UBALD2: variants seen among roughly 807,000 people sequenced by gnomAD.
UBALD2 encodes UBA like domain containing 2, also known as UBA-like domain-containing protein 2.
Under a neutral mutation model 15.9 loss-of-function variants are expected in UBALD2, and 8 were observed. That is an observed-to-expected ratio of 0.50 (90% confidence interval 0.29 to 0.91). UBALD2 has a LOEUF of 0.91. UBALD2 is among the 40% of genes least tolerant of loss of function. The pLI, the probability that UBALD2 is intolerant of heterozygous loss-of-function variation, is 0.07. For synonymous variants in UBALD2, 113 were observed against 97.7 expected, an observed-to-expected ratio of 1.16 and a Z score of -0.93; for missense variants, 178 against 234.8, an observed-to-expected ratio of 0.76 and a Z score of 1.58.
intron 2 of UBALD2, among the ~76,000 whole-genome samples, chr17:76,268,614 G>T (rs1018801041): frequency 6.6e-6 from 1 of 152,074 alleles, no homozygotes; most frequent in Admixed American, 6.5e-5. Context: ...CTCCCTTGGT[G>T]CCCTGGGTGC....
intron 2 of UBALD2, 77 bp downstream of exon 2, chr17:76,266,046 C>A: frequency 2.0e-6 from 3 of 1,490,392 alleles, no homozygotes; most frequent in South Asian, 2.4e-5. Context: ...CGGGGAGCGC[C>A]GCGCCGCGAA....
intron 2 of UBALD2, among the ~76,000 whole-genome samples, chr17:76,267,438 C>T (rs2070552916): frequency 6.6e-6 from 1 of 151,328 alleles, no homozygotes; most frequent in Non-Finnish European, 1.5e-5. Context: ...GTCTGAGTGC[C>T]TTAGCAGCAC....
chr17:76,267,888 A>G (rs1598467811), intron 2 of UBALD2, among the ~76,000 whole-genome samples: 1 of 148,048 alleles, frequency 6.8e-6, no homozygotes. Flanking sequence ...CGAACTCCCA[A>G]CCTCAGGTGG....
chr17:76,270,555 G>C lies in UBALD2; in HGVS notation c.*50G>C. On this transcript the variant is annotated 3_prime_UTR_variant, in exon 3 of 3. Coordinates refer to ENST00000327490, the MANE Select transcript of UBALD2 (RefSeq NM_182565.4). Reference sequence around the variant, plus strand: ...CTGGAGCTGGGGGCAGCCCAGGGTTGTGGGGACACAGGAGGGCCAGGGAGG... The same window carrying C: ...CTGGAGCTGGGGGCAGCCCAGGGTTCTGGGGACACAGGAGGGCCAGGGAGG... The C allele has an allele frequency of 7.1e-7, 1 of 1,398,798 alleles. No individual in the cohort carries two copies. Among genetic ancestry groups the C allele is most frequent in the South Asian group, 1.6e-5 (1 of 63,452 alleles). The allele number at this position is 1,398,798 out of a possible 1,614,324, so 86.6% of individuals were successfully genotyped here.
intron 1 of UBALD2, 120 bp from the exon 2 acceptor site, chr17:76,265,787 G>A: frequency 7.0e-7 from 1 of 1,433,772 alleles, no homozygotes. Flanking sequence ...TGCACGTGGG[G>A]CAGCCGAGGG....
chr17:76,265,353 A>T lies in UBALD2; in HGVS notation c.-153A>T. 3.8e-6 allele frequency: 3 copies of T among 796,754 alleles called. No individual in the cohort carries two copies. The highest frequency in any genetic ancestry group is 4.6e-6 in the Non-Finnish European group (3 of 657,858). 49.4% of individuals were successfully genotyped at this position (796,754 alleles called of 1,614,324 possible). A position where few individuals can be genotyped will look rare whatever the true frequency, so the allele number is the denominator to read the frequency against. On this transcript the variant is annotated 5_prime_UTR_variant, in exon 1 of 3. Transcript: ENST00000327490. ...CGGGCCGCGGGAGTCGAACCACAAC[A>T]TTCGCCGGGCGGGCGGCGGCGGAGC...
At position 76,270,514 on chromosome 17, in the gene UBALD2, G is replaced by A. The variant is rs1044882; in HGVS notation, c.*9G>A. 5 of 1,440,052 alleles carry A rather than the reference G, an allele frequency of 3.5e-6. No individual in the cohort carries two copies. Among genetic ancestry groups the A allele is most frequent in the African/African-American group, 1.4e-5 (1 of 69,070 alleles). The allele number at this position is 1,440,052 out of a possible 1,614,324, so 89.2% of individuals were successfully genotyped here. A position where few individuals can be genotyped will look rare whatever the true frequency, so the allele number is the denominator to read the frequency against. Reference sequence around the variant, plus strand: ...TGGACGGCCAGAGATGAGACTGGACGCCGCCGGGCGCTGGGCTGGAGCTGG... The same window carrying A: ...TGGACGGCCAGAGATGAGACTGGACACCGCCGGGCGCTGGGCTGGAGCTGG... On this transcript the variant is annotated 3_prime_UTR_variant, in exon 3 of 3. Transcript: ENST00000327490.
intron 2 of UBALD2, among the ~76,000 whole-genome samples, chr17:76,267,490 C>CTTTTTTTT (rs55819046): frequency 8.7e-6 from 1 of 115,158 alleles, no homozygotes; most frequent in Non-Finnish European, 1.7e-5. Flanking sequence ...TTCATGGTTT[C>CTTTTTTTT]TTTTTTTTTT....
chr17:76,269,366 A>C lies in UBALD2; in HGVS notation c.184-828A>C, dbSNP rs1434008004. On this transcript the variant is annotated intron_variant, in intron 2 of 2. Transcript: ENST00000327490. The surrounding 1 kb of genome is among the most constrained non-coding windows in gnomAD (Gnocchi z 4.6). ...ACAGACTGAGAAACTGCCAGCCTGC[A>C]GGCAAGGGCAGGCCAGCTGTGTTTG... Among the ~76,000 whole-genome samples, 6 of 152,188 alleles carry C rather than the reference A, an allele frequency of 3.9e-5. No individual in the cohort carries two copies. Among genetic ancestry groups the C allele is most frequent in the Non-Finnish European group, 8.8e-5 (6 of 68,034 alleles).
At chr17:76,267,518 T>C (rs1300432856) in intron 2 of UBALD2, among the ~76,000 whole-genome samples, 1 of 146,670 alleles carries the variant, frequency 6.8e-6, no homozygotes, top group African/African-American at 2.6e-5. Flanking sequence ...TTTTCTAATT[T>C]TATTTTTGAG....
chr17:76,265,382 C>G lies in UBALD2; in HGVS notation c.-124C>G. The G allele has an allele frequency of 1.1e-6, 1 of 906,438 alleles. No individual in the cohort carries two copies. The highest frequency in any genetic ancestry group is 1.3e-6 in the Non-Finnish European group (1 of 760,104). The allele number at this position is 906,438 out of a possible 1,614,324, so 56.1% of individuals were successfully genotyped here. On this transcript the variant is annotated 5_prime_UTR_variant, in exon 1 of 3. Coordinates refer to ENST00000327490, the MANE Select transcript of UBALD2 (RefSeq NM_182565.4). Reference sequence around the variant, plus strand: ...GCCGGGCGGGCGGCGGCGGAGCGGGCGGCGGAGCGGCGGCAGCAGCGGTGA... The same window carrying G: ...GCCGGGCGGGCGGCGGCGGAGCGGGGGGCGGAGCGGCGGCAGCAGCGGTGA...
chr17:76,268,511 G>A (rs1210287908), intron 2 of UBALD2, among the ~76,000 whole-genome samples: 3 of 151,814 alleles, frequency 2.0e-5, no homozygotes, highest in Non-Finnish European at 4.4e-5. Flanking sequence ...GGGAGTAGTG[G>A]AGGGAGGAGG....
chr17:76,266,874 A>T (rs2070549570), intron 2 of UBALD2, among the ~76,000 whole-genome samples: 1 of 152,100 alleles, frequency 6.6e-6, no homozygotes. Context: ...CTCTAGGTGC[A>T]TTTTTGGGAT....
intron 2 of UBALD2, among the ~76,000 whole-genome samples, chr17:76,267,514 A>G (rs1314116743): frequency 3.1e-5 from 2 of 65,350 alleles, no homozygotes; most frequent in African/African-American, 7.2e-5. Flanking sequence ...TTTTTTTTCT[A>G]ATTTTATTTT....
chr17:76,270,546 C>A lies in UBALD2; in HGVS notation c.*41C>A. The stretch of plus-strand genomic sequence containing the variant: ...GGCGCTGGGCTGGAGCTGGGGGCAG[C>A]CCAGGGTTGTGGGGACACAGGAGGG... On this transcript the variant is annotated 3_prime_UTR_variant, in exon 3 of 3. Transcript: ENST00000327490. The A allele has an allele frequency of 7.1e-7, 1 of 1,417,960 alleles. No homozygotes were observed. Among genetic ancestry groups the A allele is most frequent in the Non-Finnish European group, 9.2e-7 (1 of 1,090,632 alleles). 87.8% of individuals were successfully genotyped at this position (1,417,960 alleles called of 1,614,324 possible). A position where few individuals can be genotyped will look rare whatever the true frequency, so the allele number is the denominator to read the frequency against.
intron 2 of UBALD2, among the ~76,000 whole-genome samples, chr17:76,267,273 A>G (rs1275419654): frequency 6.6e-6 from 1 of 152,028 alleles, no homozygotes; most frequent in Non-Finnish European, 1.5e-5. Context: ...GAGAACAGGG[A>G]GGCTCCCCAG....
intron 2 of UBALD2, 128 bp downstream of exon 2, chr17:76,266,097 T>C (rs2143055418): frequency 8.0e-7 from 1 of 1,257,012 alleles, no homozygotes; most frequent in South Asian, 1.4e-5. Flanking sequence ...AAAGAGCGGC[T>C]CCCGGGCCGG....
intron 2 of UBALD2, among the ~76,000 whole-genome samples, chr17:76,266,471 C>A (rs1260435080): frequency 6.6e-6 from 1 of 152,170 alleles, no homozygotes; most frequent in Admixed American, 6.5e-5. Flanking sequence ...TCCACCCTGG[C>A]TCAGGAAGCC....
chr17:76,265,950 G>T lies in UBALD2; in HGVS notation c.164G>T (p.Ser55Ile). Residue 55 changes from serine (S) to isoleucine (I), a missense_variant, in exon 2 of 3, where the codon AGC (serine) becomes ATC (isoleucine). Coordinates refer to ENST00000327490, the MANE Select transcript of UBALD2 (RefSeq NM_182565.4). Reference sequence around the variant, plus strand: ...TTCCAAGAAACCAACATTCCCAACAGCCACCACCACCACCAGATGGTAAGC... The same window carrying T: ...TTCCAAGAAACCAACATTCCCAACATCCACCACCACCACCAGATGGTAAGC... ...TFFQETNIPN[S>I]HHHHQMMCTP... 6.3e-7 allele frequency: 1 copy of T among 1,597,558 alleles called. No individual in the cohort carries two copies. Among genetic ancestry groups the T allele is most frequent in the Non-Finnish European group, 8.5e-7 (1 of 1,172,862 alleles).
Sources: allele counts gnomAD v4.1 joint callset (sites outside exome capture counted in the v4.1 genomes callset), GRCh38; gene constraint gnomAD v4.1.1; non-coding constraint Gnocchi (gnomAD v3.1); transcripts MANE v1.5; gene names NCBI Gene and HGNC (gene_info 2026-07-23, HGNC 2026-07-21).